The following CSMD3 variants were observed in gnomAD, a reference collection of about 807,000 sequenced individuals.
The protein encoded by CSMD3 is CUB and sushi domain-containing protein 3.
CSMD3 carries 177 observed loss-of-function variants against 435.2 expected under a neutral mutation model. That is an observed-to-expected ratio of 0.41 (90% confidence interval 0.36 to 0.46). The LOEUF is 0.46. Ranked by LOEUF, CSMD3 falls within the 20% of genes least tolerant of loss-of-function variation. The pLI, the probability that CSMD3 is intolerant of heterozygous loss-of-function variation, is 0.34. For missense variants in CSMD3, 4,265 were observed against 4,504.6 expected, an observed-to-expected ratio of 0.95 and a Z score of 1.52; for synonymous variants, 1,656 against 1,520.5, an observed-to-expected ratio of 1.09 and a Z score of -2.07.
chr8:112,789,908 T>A (rs543473571), intron 13 of CSMD3, among the ~76,000 whole-genome samples: 93 of 152,140 alleles, frequency 6.1e-4, no homozygotes, highest in African/African-American at 2.1e-3. Context: ...TATTGGGGAA[T>A]TACAAACTTT....
At chr8:113,405,978 T>A (rs2094531043) in intron 1 of CSMD3, among the ~76,000 whole-genome samples, 5 of 151,796 alleles carry the variant, frequency 3.3e-5, no homozygotes. Flanking sequence ...CTTGGTAATG[T>A]AACAACTTGC....
intron 32 of CSMD3, among the ~76,000 whole-genome samples, chr8:112,413,984 T>A (rs1015381553): frequency 1.1e-4 from 17 of 152,172 alleles, no homozygotes; most frequent in Admixed American, 2.0e-4. Flanking sequence ...CACCCTGGTT[T>A]GCTTTCACCA....
chr8:113,334,791 AT>A (rs1048449234), intron 1 of CSMD3, among the ~76,000 whole-genome samples: 2 of 151,894 alleles, frequency 1.3e-5, no homozygotes, highest in East Asian at 1.9e-4. Context: ...GAATTGGCAT[AT>A]TTTTTTCTTT....
chr8:112,432,788 A>G lies in CSMD3; in HGVS notation c.5396-23756T>C, dbSNP rs879218264. Among the ~76,000 whole-genome samples the G allele has an allele frequency of 4.0e-5, 6 of 151,894 alleles. No individual in the cohort carries two copies. In the East Asian group the frequency reaches 7.7e-4, roughly 20 times the overall value. ...TGTGGGTCTCAGTTGAAAAGTTTGG[A>G]TATTTGGCCATAGGTGGTGGCTCAT... On this transcript the variant is annotated intron_variant, in intron 32 of 70. Coordinates refer to ENST00000297405, the MANE Select transcript of CSMD3 (RefSeq NM_198123.2).
At chr8:112,937,953 A>G (rs1293695952) in intron 9 of CSMD3, among the ~76,000 whole-genome samples, 3 of 152,156 alleles carry the variant, frequency 2.0e-5, no homozygotes, top group Non-Finnish European at 4.4e-5. Context: ...CACACAAGTA[A>G]ATTTTATTCA....
intron 10 of CSMD3, among the ~76,000 whole-genome samples, chr8:112,887,004 A>G (rs1016293084): frequency 3.3e-5 from 5 of 151,484 alleles, no homozygotes; most frequent in Admixed American, 6.6e-5. Flanking sequence ...CCTTGAGTGC[A>G]TGGTCCAAAT....
intron 2 of CSMD3, chr8:113,310,013 A>G (rs2093855115): frequency 6.6e-6 from 1 of 152,194 alleles, no homozygotes; most frequent in Non-Finnish European, 1.5e-5. Flanking sequence ...TTTTTTGTTT[A>G]AGCTACAGTA....
chr8:112,398,137 C>A (rs1428860240), intron 35 of CSMD3, among the ~76,000 whole-genome samples: 2 of 152,070 alleles, frequency 1.3e-5, no homozygotes, highest in African/African-American at 4.8e-5. Flanking sequence ...TTAAGCAGGA[C>A]CAAAACCTTA....
At chr8:112,381,393 C>T (rs1829448906) in intron 37 of CSMD3, among the ~76,000 whole-genome samples, 1 of 152,178 alleles carries the variant, frequency 6.6e-6, no homozygotes, top group South Asian at 2.1e-4. Context: ...TATTTCTTGA[C>T]TTTGCTATTG....
chr8:113,115,753 G>A (rs987481390), intron 4 of CSMD3, among the ~76,000 whole-genome samples: 1 of 152,152 alleles, frequency 6.6e-6, no homozygotes, highest in Admixed American at 6.6e-5. Flanking sequence ...CTACAGATGT[G>A]AGTAAATGTC....
At chr8:113,308,146 CAATAT>C (rs1311585191) in intron 2 of CSMD3, among the ~76,000 whole-genome samples, 1 of 149,456 alleles carries the variant, frequency 6.7e-6, no homozygotes, top group Non-Finnish European at 1.5e-5. Context: ...CTATTATTTG[CAATAT>C]AATATATTTT....
chr8:113,267,458 T>C (rs970973153), intron 3 of CSMD3, among the ~76,000 whole-genome samples: 3 of 151,644 alleles, frequency 2.0e-5, no homozygotes, highest in African/African-American at 4.8e-5. Context: ...TCGATGGAAG[T>C]GGAGGTCAGT....
At chr8:113,134,458 A>C (rs541382816) in intron 4 of CSMD3, among the ~76,000 whole-genome samples, 3 of 152,086 alleles carry the variant, frequency 2.0e-5, no homozygotes, top group Non-Finnish European at 4.4e-5. Flanking sequence ...AGTATTCACA[A>C]TCTTAAACTG....
chr8:113,151,535 A>C (rs959774415), intron 4 of CSMD3, among the ~76,000 whole-genome samples: 6 of 152,026 alleles, frequency 3.9e-5, no homozygotes, highest in Non-Finnish European at 4.4e-5. Context: ...TGGCAAGAAT[A>C]ATATAAACAA....
Position 112,723,685 on chromosome 8 carries a change from A to G in CSMD3, c.1973-33635T>C, listed in dbSNP as rs1361971386. 1.3e-5 allele frequency among the ~76,000 whole-genome samples: 2 copies of G among 152,108 alleles called. 1 individual carries two copies. The highest frequency in any genetic ancestry group is 2.9e-5 in the Non-Finnish European group (2 of 67,994). On this transcript the variant is annotated intron_variant, in intron 13 of 70. Coordinates refer to ENST00000297405, the MANE Select transcript of CSMD3 (RefSeq NM_198123.2). ...AAAGCAGAAGCTTTGGAGTCAAGCT[A>G]CCTAGGTTTAAATCCCATCTTTAAA...
Position 112,313,892 on chromosome 8 carries a change from T to A in CSMD3, c.7696+14A>T. On this transcript the variant is annotated intron_variant, in intron 49 of 70. Coordinates refer to ENST00000297405, the MANE Select transcript of CSMD3 (RefSeq NM_198123.2). ...GATAGTGAGATCTGTCCTGAAGTTA[T>A]AAGTTTTACATACCTATATATCTTA... 2.5e-6 allele frequency: 4 copies of A among 1,599,688 alleles called. No individual in the cohort carries two copies. The highest frequency in any genetic ancestry group is 3.4e-6 in the Non-Finnish European group (4 of 1,167,438).
intron 13 of CSMD3, among the ~76,000 whole-genome samples, chr8:112,691,128 AT>A (rs2076127577): frequency 6.6e-6 from 1 of 152,148 alleles, no homozygotes; most frequent in Non-Finnish European, 1.5e-5. Flanking sequence ...TTTAACTTTT[AT>A]TATACTGTCA....
intron 32 of CSMD3, among the ~76,000 whole-genome samples, chr8:112,465,937 T>G (rs1313080655): frequency 6.8e-6 from 1 of 147,016 alleles, no homozygotes; most frequent in Non-Finnish European, 1.5e-5. Flanking sequence ...ATGGCACCAC[T>G]GCACTGCAGC....
chr8:113,419,234 T>C (rs1308677200), intron 1 of CSMD3, among the ~76,000 whole-genome samples: 2 of 151,252 alleles, frequency 1.3e-5, no homozygotes, highest in Non-Finnish European at 2.9e-5. Context: ...TTCTCCTGCC[T>C]CAGCCTCTGA....
Sources: allele counts gnomAD v4.1 joint callset (sites outside exome capture counted in the v4.1 genomes callset), GRCh38; gene constraint gnomAD v4.1.1; transcripts MANE v1.5; gene names NCBI Gene and HGNC (gene_info 2026-07-23, HGNC 2026-07-21).